Variants in PPP2R5E observed in about 807,000 individuals in gnomAD.
PPP2R5E encodes serine/threonine-protein phosphatase 2A 56 kDa regulatory subunit epsilon isoform.
PPP2R5E carries 4 observed loss-of-function variants against 65.3 expected under a neutral mutation model. That is an observed-to-expected ratio of 0.06 (90% CI 0.03 to 0.14). The LOEUF (loss-of-function observed/expected upper bound fraction) is 0.14, where lower values mean the gene tolerates loss of function less well. PPP2R5E is among the 10% of genes least tolerant of loss of function. The probability of loss-of-function intolerance (pLI) is 1.00; values close to 1 mark genes in which losing one functional copy is unlikely to be tolerated. For synonymous variants in PPP2R5E, 183 were observed against 187.4 expected, an observed-to-expected ratio of 0.98 and a Z score of 0.19; for missense variants, 274 against 556.1, an observed-to-expected ratio of 0.49 and a Z score of 5.10.
chr14:63,474,108 G>A (rs1890274031), intron 2 of PPP2R5E, among the ~76,000 whole-genome samples: 1 of 152,222 alleles, frequency 6.6e-6, no homozygotes, highest in African/African-American at 2.4e-5. Context: ...AGCTACATAG[G>A]AGGCAACTGT....
intron 3 of PPP2R5E, among the ~76,000 whole-genome samples, chr14:63,430,405 A>ACATACATACATACATACATG (rs1887606887): frequency 1.4e-5 from 2 of 144,172 alleles, no homozygotes; most frequent in East Asian, 2.0e-4. Flanking sequence ...ATACATGCAT[A>ACATACATACATACATACATG]CATACATACA....
intron 3 of PPP2R5E, among the ~76,000 whole-genome samples, chr14:63,433,032 G>GTTTTTTTTTTTT (rs747571866): frequency 1.3e-4 from 13 of 96,468 alleles, no homozygotes; most frequent in African/African-American, 1.9e-4. Context: ...GTTTTGTTTT[G>GTTTTTTTTTTTT]TTTTTTTTTT....
chr14:63,389,624 G>A lies in PPP2R5E; in HGVS notation c.1062C>T (p.Ser354=). 1 of 1,608,694 alleles carries A rather than the reference G, an allele frequency of 6.2e-7. No individual in the cohort carries two copies. Among genetic ancestry groups the A allele is most frequent in the African/African-American group, 1.3e-5 (1 of 74,740 alleles). ...LFKQIAKCVS[S]PHFQVAERAL... ...CTTTACTACTAACCTGAAAATGGGG[G>A]CTAGATACACACTTGGCGATTTGTT... is the stretch of plus-strand genomic sequence containing the variant. The change falls in exon 11 of 14, where the codon AGC becomes AGT. Residue 354 remains serine, a synonymous_variant. Transcript: ENST00000337537.
chr14:63,493,767 G>C (rs1891405771), intron 2 of PPP2R5E, among the ~76,000 whole-genome samples: 1 of 152,082 alleles, frequency 6.6e-6, no homozygotes, highest in Admixed American at 6.6e-5. Flanking sequence ...AATGACACAG[G>C]ATTCTTAAAT....
intron 3 of PPP2R5E, among the ~76,000 whole-genome samples, chr14:63,422,722 G>A (rs1887099353): frequency 2.8e-5 from 3 of 108,274 alleles, no homozygotes; most frequent in Non-Finnish European, 5.1e-5. Flanking sequence ...GCGAGACTCC[G>A]TCTATTTAAA....
At position 63,447,368 on chromosome 14, in the gene PPP2R5E, C is replaced by A. The variant is rs1374756849; in HGVS notation, c.354+6321G>T. 3.3e-5 allele frequency among the ~76,000 whole-genome samples: 5 copies of A among 152,354 alleles called. No individual in the cohort carries two copies. In the East Asian group the frequency reaches 9.6e-4, roughly 29 times the overall value. On this transcript the variant is annotated intron_variant, in intron 3 of 13. Coordinates refer to ENST00000337537, the MANE Select transcript of PPP2R5E (RefSeq NM_006246.5). ...TTCTACAACAGCATTTAGTGCTTCA[C>A]CTTGCACTTTTATGTTAGAGAGATG...
intron 4 of PPP2R5E, among the ~76,000 whole-genome samples, chr14:63,420,671 G>T (rs1468386437): frequency 6.6e-6 from 1 of 152,142 alleles, no homozygotes; most frequent in Non-Finnish European, 1.5e-5. Flanking sequence ...TTGCAAATTT[G>T]TGTCAGAAAT....
intron 3 of PPP2R5E, among the ~76,000 whole-genome samples, chr14:63,428,696 C>T (rs546437311): frequency 1.8e-4 from 27 of 152,228 alleles, no homozygotes; most frequent in African/African-American, 6.3e-4. Context: ...GAAGAGACTA[C>T]AAAGTTTCCA....
chr14:63,484,648 G>GA (rs1335504444), intron 2 of PPP2R5E, among the ~76,000 whole-genome samples: 5 of 152,112 alleles, frequency 3.3e-5, no homozygotes, highest in African/African-American at 1.2e-4. Flanking sequence ...GAAGTATTCT[G>GA]AACCTACTGA....
chr14:63,433,846 T>C (rs561547131), intron 3 of PPP2R5E, among the ~76,000 whole-genome samples: 1 of 152,314 alleles, frequency 6.6e-6, no homozygotes, highest in Admixed American at 6.5e-5. Flanking sequence ...CTGAAGTTCC[T>C]CGGAGTTGTG....
At chr14:63,484,848 T>C (rs1366193868) in intron 2 of PPP2R5E, among the ~76,000 whole-genome samples, 4 of 152,184 alleles carry the variant, frequency 2.6e-5, no homozygotes. Context: ...GCCAATAGTA[T>C]CTTGTAAATT....
intron 3 of PPP2R5E, among the ~76,000 whole-genome samples, chr14:63,422,739 A>C (rs1175853355): frequency 1.8e-5 from 2 of 111,298 alleles, no homozygotes; most frequent in African/African-American, 8.4e-5. Context: ...TAAAAAAAAA[A>C]AAAAAAAAAA....
rs1260837537 is a variant in PPP2R5E, at chr14:63,374,669, A to C, written c.*1340T>G. ...TATATATATATATATATATATATAT[A>C]AAATACAGCCCTAGATTTTGTTTTT... is the stretch of plus-strand genomic sequence containing the variant. On this transcript the variant is annotated 3_prime_UTR_variant, in exon 14 of 14. Coordinates refer to ENST00000337537, the MANE Select transcript of PPP2R5E (RefSeq NM_006246.5). The C allele has an allele frequency of 8.0e-6, 1 of 125,334 alleles. No homozygotes were observed. Among genetic ancestry groups the C allele is most frequent in the Non-Finnish European group, 1.7e-5 (1 of 59,504 alleles). The allele number at this position is 125,334 out of a possible 1,614,324, so 7.8% of individuals were successfully genotyped here.
intron 2 of PPP2R5E, among the ~76,000 whole-genome samples, chr14:63,505,846 G>C (rs1046454760): frequency 6.6e-6 from 1 of 152,098 alleles, no homozygotes; most frequent in Admixed American, 6.6e-5. Flanking sequence ...CACTGGGTGA[G>C]GGAGAAAATA....
At chr14:63,430,356 T>TGC (rs1887575296) in intron 3 of PPP2R5E, among the ~76,000 whole-genome samples, 1 of 133,676 alleles carries the variant, frequency 7.5e-6, no homozygotes, top group South Asian at 2.2e-4. Flanking sequence ...TATACATACA[T>TGC]ACATACATAC....
intron 3 of PPP2R5E, among the ~76,000 whole-genome samples, chr14:63,425,842 A>G (rs996131062): frequency 6.6e-6 from 1 of 152,246 alleles, no homozygotes; most frequent in East Asian, 1.9e-4. Flanking sequence ...GTTTATCCCT[A>G]TATTGTGTTC....
At chr14:63,520,088 T>G (rs1338018089) in intron 2 of PPP2R5E, among the ~76,000 whole-genome samples, 2 of 152,078 alleles carry the variant, frequency 1.3e-5, no homozygotes, top group African/African-American at 4.8e-5. Context: ...CAGGCTGGAG[T>G]GCAGTGGCGC....
chr14:63,478,738 G>A (rs1196009091), intron 2 of PPP2R5E, among the ~76,000 whole-genome samples: 1 of 152,168 alleles, frequency 6.6e-6, no homozygotes, highest in African/African-American at 2.4e-5. Flanking sequence ...AGTACACACT[G>A]AGAAACCATG....
At chr14:63,450,955 A>C (rs1888793081) in intron 3 of PPP2R5E, among the ~76,000 whole-genome samples, 1 of 152,154 alleles carries the variant, frequency 6.6e-6, no homozygotes, top group African/African-American at 2.4e-5. Flanking sequence ...GGAATACGTG[A>C]AAGTCCAGAA....
Sources: gnomAD v4.1 joint callset for allele counts (sites outside exome capture counted in the v4.1 genomes callset) on GRCh38, gnomAD v4.1.1 for gene constraint, MANE v1.5 for transcripts, NCBI Gene and HGNC (gene_info 2026-07-23, HGNC 2026-07-21) for gene names.